Variants in MAMDC2 observed in about 807,000 individuals in gnomAD.
MAMDC2 encodes the protein MAM domain-containing protein 2.
A neutral mutation model predicts 89.8 loss-of-function variants in MAMDC2; 57 were observed. The observed-to-expected ratio is 0.63, with a 90% CI of 0.51 to 0.79. The LOEUF (loss-of-function observed/expected upper bound fraction) is 0.79, where lower values mean the gene tolerates loss of function less well. MAMDC2 is among the 30% of genes least tolerant of loss of function. The pLI, the probability that MAMDC2 is intolerant of heterozygous loss-of-function variation, is 0.00. For missense variants in MAMDC2, 800 were observed against 820.6 expected (o/e 0.97, Z 0.31); for synonymous variants, 313 against 293.4 (o/e 1.07, Z -0.68).
At chr9:70,071,756 G>C (rs1201705512) in intron 2 of MAMDC2, 1 of 152,064 alleles carries the variant, frequency 6.6e-6, no homozygotes, top group African/African-American at 2.4e-5. Context: ...AATGCACACA[G>C]ACAATATTTA....
At chr9:70,110,502 G>T (rs1184880334) in intron 4 of MAMDC2, among the ~76,000 whole-genome samples, 7 of 152,162 alleles carry the variant, frequency 4.6e-5, no homozygotes, top group Non-Finnish European at 8.8e-5. Context: ...GAGGTGCAGG[G>T]TAGGAAGGCA....
intron 11 of MAMDC2, among the ~76,000 whole-genome samples, chr9:70,179,372 A>AC (rs2032582655): frequency 1.6e-5 from 2 of 126,572 alleles, no homozygotes; most frequent in East Asian, 2.3e-4. Context: ...CACACACACA[A>AC]AATTAGCTGG....
chr9:70,132,188 T>G (rs2030835832), intron 7 of MAMDC2, among the ~76,000 whole-genome samples: 1 of 152,214 alleles, frequency 6.6e-6, no homozygotes, highest in African/African-American at 2.4e-5. Context: ...TTTCATAAAT[T>G]TGATGTTTAA....
Position 70,166,284 on chromosome 9 carries a change from C to T in MAMDC2, c.1405-2418C>T, listed in dbSNP as rs904773015. 7.5e-4 allele frequency among the ~76,000 whole-genome samples: 50 copies of T among 66,426 alleles called. 1 individual carries two copies. Among genetic ancestry groups the T allele is most frequent in the African/African-American group, 2.0e-3 (50 of 25,388 alleles). The allele number at this position is 66,426 out of a possible 152,430, so 43.6% of individuals were successfully genotyped here. On this transcript the variant is annotated intron_variant, in intron 9 of 13. Coordinates refer to ENST00000377182, the MANE Select transcript of MAMDC2 (RefSeq NM_153267.5). ...AGAAATATATATATATATACACACA[C>T]ACACACACACACACACACACATATA...
intron 6 of MAMDC2, among the ~76,000 whole-genome samples, chr9:70,130,112 C>G (rs2030736685): frequency 6.6e-6 from 1 of 151,432 alleles, no homozygotes; most frequent in Non-Finnish European, 1.5e-5. Flanking sequence ...GAGGCTCACT[C>G]TACTTCAGCA....
At chr9:70,184,497 T>TC (rs1048979132) in intron 11 of MAMDC2, among the ~76,000 whole-genome samples, 1 of 152,106 alleles carries the variant, frequency 6.6e-6, no homozygotes, top group Admixed American at 6.6e-5. Context: ...GTTCCATTCT[T>TC]CCCCTCACTT....
intron 9 of MAMDC2, among the ~76,000 whole-genome samples, chr9:70,155,379 T>TCACCTGCCTCTCTTCATCTC (rs1172799985): frequency 4.6e-5 from 7 of 152,208 alleles, no homozygotes; most frequent in Non-Finnish European, 7.3e-5. Context: ...CTCTGAATCT[T>TCACCTGCCTCTCTTCATCTC]CACCTGCCTC....
intron 12 of MAMDC2, among the ~76,000 whole-genome samples, chr9:70,220,910 A>G (rs2033543976): frequency 6.6e-6 from 1 of 152,180 alleles, no homozygotes; most frequent in Non-Finnish European, 1.5e-5. Context: ...TGTATGTGAA[A>G]GGGTTTTATA....
intron 8 of MAMDC2, among the ~76,000 whole-genome samples, chr9:70,143,123 C>T (rs1380214782): frequency 2.0e-5 from 3 of 152,218 alleles, no homozygotes; most frequent in African/African-American, 7.2e-5. Flanking sequence ...TGAAATCCCA[C>T]CATCTCTATC....
intron 11 of MAMDC2, among the ~76,000 whole-genome samples, chr9:70,213,810 G>C (rs1014108681): frequency 7.2e-5 from 11 of 152,090 alleles, no homozygotes; most frequent in African/African-American, 2.4e-4. Flanking sequence ...ACTTGTCTGA[G>C]ATGATTTGCT....
Position 70,217,439 on chromosome 9 carries a change from T to C in MAMDC2, c.1652-898T>C, listed in dbSNP as rs1314418323. 4 of 1,332,218 alleles carry C rather than the reference T, an allele frequency of 3.0e-6. No individual in the cohort carries two copies. The African/African-American group carries it at 4.3e-5, about 14-fold the overall frequency. The allele number at this position is 1,332,218 out of a possible 1,614,324, so 82.5% of individuals were successfully genotyped here. ...CCAGCAGTCAAATTCCAGAGGGCCA[T>C]TACTGGTGCATCTCTTGCTGATATA... On this transcript the variant is annotated intron_variant, in intron 11 of 13. Coordinates refer to ENST00000377182, the MANE Select transcript of MAMDC2 (RefSeq NM_153267.5).
chr9:70,083,060 G>A (rs1432951897), intron 2 of MAMDC2, among the ~76,000 whole-genome samples: 1 of 152,114 alleles, frequency 6.6e-6, no homozygotes, highest in Non-Finnish European at 1.5e-5. Flanking sequence ...AGCATCTCCT[G>A]CTAAAGATGG....
chr9:70,049,875 TC>T (rs1826852987), intron 2 of MAMDC2, among the ~76,000 whole-genome samples: 1 of 152,260 alleles, frequency 6.6e-6, no homozygotes, highest in East Asian at 1.9e-4. Flanking sequence ...GGAACCCAGA[TC>T]CTAGAGCTGG....
intron 11 of MAMDC2, among the ~76,000 whole-genome samples, chr9:70,198,198 A>T (rs974579952): frequency 9.3e-6 from 1 of 107,518 alleles, no homozygotes; most frequent in Non-Finnish European, 2.0e-5. Context: ...ACACACACAC[A>T]ATATATAATA....
rs930182206 is a variant in MAMDC2 at position 70,200,192 on chromosome 9, G to A, written c.1652-18145G>A. Among the ~76,000 whole-genome samples the A allele has an allele frequency of 3.9e-5, 6 of 152,044 alleles. No homozygotes were observed. In the South Asian group the frequency reaches 8.3e-4, roughly 21 times the overall value. On this transcript the variant is annotated intron_variant, in intron 11 of 13. Coordinates refer to ENST00000377182, the MANE Select transcript of MAMDC2 (RefSeq NM_153267.5). ...GGGTTTTTACGGTTTTAGGTCTAAC[G>A]TTTAAATCTTTAATCCATCTTGAAT... is the stretch of plus-strand genomic sequence containing the variant.
In MAMDC2 at chr9:70,143,701, C is replaced by A. The variant is rs751422402; in HGVS notation, c.1286C>A (p.Ala429Glu). The change falls in exon 9 of 14, where the codon GCA becomes GAA. Residue 429 changes from alanine (A) to glutamate (E), a missense_variant. Transcript: ENST00000377182. Reference sequence around the variant, plus strand: ...TTTTTAAAAATGAGTGACACCCTAGCAGTTTACATCTTTGAAGAGAACCAT... The same window carrying A: ...TTTTTAAAAATGAGTGACACCCTAGAAGTTTACATCTTTGAAGAGAACCAT... ...YGFLKMSDTL[A>E]VYIFEENHVV... 103 of 1,614,048 alleles carry A rather than the reference C, an allele frequency of 6.4e-5. No individual in the cohort carries two copies. Among genetic ancestry groups the A allele is most frequent in the Non-Finnish European group, 7.0e-5 (83 of 1,180,022 alleles).
chr9:70,096,192 A>G (rs12341763), intron 2 of MAMDC2, among the ~76,000 whole-genome samples: 15,191 of 151,528 alleles, frequency 0.1, 791 homozygotes, highest in East Asian at 0.15. Context: ...TAATTTTTCT[A>G]TGTACTGTAG....
At chr9:70,121,006 G>A (rs543717844) in intron 5 of MAMDC2, among the ~76,000 whole-genome samples, 20 of 152,312 alleles carry the variant, frequency 1.3e-4, no homozygotes, top group Admixed American at 1.2e-3. Context: ...GAGACAGCTT[G>A]TCCAGACAAC....
chr9:70,208,124 TGA>T, intron 11 of MAMDC2, among the ~76,000 whole-genome samples: 1 of 152,252 alleles, frequency 6.6e-6, no homozygotes, highest in Non-Finnish European at 1.5e-5. Context: ...GGCTCTTTTT[TGA>T]TTCCACATGA....
Sources: gnomAD v4.1 joint callset for allele counts (sites outside exome capture counted in the v4.1 genomes callset) on GRCh38, gnomAD v4.1.1 for gene constraint, MANE v1.5 for transcripts, NCBI Gene and HGNC (gene_info 2026-07-23, HGNC 2026-07-21) for gene names.